HYCC1: variants seen among roughly 807,000 people sequenced by gnomAD.
The protein encoded by HYCC1 is hyccin PI4KA lipid kinase complex subunit 1.
chr7:22,940,198 A>C, the HYCC1 span: 2 of 149,872 alleles, frequency 1.3e-5, no homozygotes, highest in East Asian at 4.0e-4. Context: ...ACTACAAGCC[A>C]GGAATTTTTT....
At chr7:22,967,404 T>G in the HYCC1 span, among the ~76,000 whole-genome samples, 1 of 152,114 alleles carries the variant, frequency 6.6e-6, no homozygotes, top group African/African-American at 2.4e-5. Flanking sequence ...AGCATGACAT[T>G]GAGGAGACTG....
chr7:22,930,441 A>G, the HYCC1 span, among the ~76,000 whole-genome samples: 1 of 151,660 alleles, frequency 6.6e-6, no homozygotes, highest in Non-Finnish European at 1.5e-5. Flanking sequence ...ATCAGAACAG[A>G]TCTATAAAAG....
chr7:22,953,231 A>T, the HYCC1 span, among the ~76,000 whole-genome samples: 2 of 151,940 alleles, frequency 1.3e-5, no homozygotes, highest in African/African-American at 4.8e-5. Flanking sequence ...CACGTAGCAC[A>T]GACCAAAAAC....
At chr7:22,910,646 G>A in the HYCC1 span, among the ~76,000 whole-genome samples, 1 of 152,092 alleles carries the variant, frequency 6.6e-6, no homozygotes, top group South Asian at 2.1e-4. Context: ...TAACTGCAAG[G>A]TTAGAAATGC....
the HYCC1 span, chr7:22,943,620 C>T: frequency 0.07 from 10,663 of 152,596 alleles, 457 homozygotes; most frequent in African/African-American, 0.11. Context: ...AGCACCTCAA[C>T]TTGCTTAAAA....
At chr7:22,947,170 C>T in the HYCC1 span, 49 of 1,550,264 alleles carry the variant, frequency 3.2e-5, no homozygotes, top group South Asian at 2.9e-4. Flanking sequence ...GTTCTCTCTC[C>T]GGCCACATTT....
chr7:22,976,291 G>A, the HYCC1 span: 2 of 1,610,724 alleles, frequency 1.2e-6, no homozygotes, highest in Non-Finnish European at 1.7e-6. Context: ...CAAAAGGAAT[G>A]TCAACACTTC....
chr7:23,013,482 G>A, the HYCC1 span, among the ~76,000 whole-genome samples: 1 of 152,218 alleles, frequency 6.6e-6, no homozygotes, highest in Non-Finnish European at 1.5e-5. Flanking sequence ...GGAGGCAGAG[G>A]CCAGAGCATC....
the HYCC1 span, among the ~76,000 whole-genome samples, chr7:23,006,077 T>C: frequency 6.6e-6 from 1 of 152,182 alleles, no homozygotes; most frequent in Non-Finnish European, 1.5e-5. Flanking sequence ...CAAAAGAGCA[T>C]GCATGTGTCT....
the HYCC1 span, among the ~76,000 whole-genome samples, chr7:22,992,717 A>C: frequency 1.3e-5 from 2 of 152,182 alleles, no homozygotes; most frequent in African/African-American, 4.8e-5. Context: ...AATGCACAAA[A>C]GTTTTCTTTT....
At chr7:22,964,307 T>G in the HYCC1 span, 1 of 723,924 alleles carries the variant, frequency 1.4e-6, no homozygotes, top group East Asian at 2.6e-5. Context: ...TCACAAAAAG[T>G]ATGCAAATCA....
the HYCC1 span, among the ~76,000 whole-genome samples, chr7:23,011,377 T>A: frequency 6.6e-6 from 1 of 152,194 alleles, no homozygotes; most frequent in Non-Finnish European, 1.5e-5. Flanking sequence ...CTTCCTCAAA[T>A]TCAAAATAGC....
the HYCC1 span, among the ~76,000 whole-genome samples, chr7:22,954,214 C>G: frequency 1.3e-5 from 2 of 150,850 alleles, no homozygotes; most frequent in African/African-American, 4.8e-5. Flanking sequence ...ACCTTAAATG[C>G]TTAAAAATAT....
At chr7:22,979,911 C>A in the HYCC1 span, among the ~76,000 whole-genome samples, 1 of 152,166 alleles carries the variant, frequency 6.6e-6, no homozygotes, top group South Asian at 2.1e-4. Context: ...GAAATTAGTA[C>A]AGATAAATAT....
the HYCC1 span, among the ~76,000 whole-genome samples, chr7:22,968,483 T>G: frequency 6.6e-6 from 1 of 152,180 alleles, no homozygotes; most frequent in Non-Finnish European, 1.5e-5. Context: ...GACTTTTATG[T>G]GAGAGAGAAA....
At chr7:22,961,308 C>G in the HYCC1 span, 2 of 1,575,946 alleles carry the variant, frequency 1.3e-6, no homozygotes, top group Non-Finnish European at 1.7e-6. Context: ...AGCTAGATCC[C>G]ATTCTCCATT....
At chr7:22,912,394 G>A in the HYCC1 span, among the ~76,000 whole-genome samples, 1 of 152,166 alleles carries the variant, frequency 6.6e-6, no homozygotes, top group Non-Finnish European at 1.5e-5. Flanking sequence ...AGGGTAGAAT[G>A]CCAACATTTC....
the HYCC1 span, among the ~76,000 whole-genome samples, chr7:22,930,064 C>T: frequency 2.6e-5 from 4 of 151,254 alleles, no homozygotes; most frequent in East Asian, 7.8e-4. Flanking sequence ...AAGCTGGAAA[C>T]CATCATTCTC....
the HYCC1 span, chr7:22,964,470 TC>T: frequency 5.6e-6 from 9 of 1,612,012 alleles, no homozygotes; most frequent in Non-Finnish European, 7.6e-6. Flanking sequence ...GAAACTGGTA[TC>T]CTGCTACTTA....
Sources: allele counts gnomAD v4.1 joint callset (sites outside exome capture counted in the v4.1 genomes callset), GRCh38; gene constraint gnomAD v4.1.1; transcripts MANE v1.5; gene names NCBI Gene and HGNC (gene_info 2026-07-23, HGNC 2026-07-21).